The following SDK1 variants were observed in gnomAD, a reference collection of about 807,000 sequenced individuals.
SDK1 encodes protein sidekick-1.
In SDK1, 157 loss-of-function variants were observed where a neutral mutation model predicts 245.5. The ratio of observed to expected loss-of-function variants is 0.64; its 90% confidence interval spans 0.56 to 0.73. The LOEUF is 0.73. Among genes scored for constraint, SDK1 ranks in the 30% least tolerant of loss-of-function variants. The pLI, the probability that SDK1 is intolerant of heterozygous loss-of-function variation, is 0.00. For missense variants in SDK1, 3,583 were observed against 3,002.3 expected (o/e 1.19, Z -4.52); for synonymous variants, 1,647 against 1,278.5 (o/e 1.29, Z -6.15).
chr7:4,003,890 G>A (rs559106504), intron 14 of SDK1, among the ~76,000 whole-genome samples: 24 of 152,184 alleles, frequency 1.6e-4, no homozygotes, highest in Admixed American at 1.5e-3. Flanking sequence ...GGGCCCTCGC[G>A]GGCATTGCTC....
At chr7:3,783,223 A>G (rs373912549) in intron 4 of SDK1, among the ~76,000 whole-genome samples, 21 of 152,360 alleles carry the variant, frequency 1.4e-4, no homozygotes, top group African/African-American at 5.0e-4. Flanking sequence ...CTTCAACACA[A>G]CAAAGGCCGT....
chr7:3,926,433 G>A (rs1357191679), intron 5 of SDK1, among the ~76,000 whole-genome samples: 1 of 152,186 alleles, frequency 6.6e-6, no homozygotes, highest in African/African-American at 2.4e-5. Flanking sequence ...TTTTCTCTGG[G>A]ATTGGTTAGA....
chr7:3,613,245 C>T (rs530359757), intron 1 of SDK1, among the ~76,000 whole-genome samples: 1 of 152,162 alleles, frequency 6.6e-6, no homozygotes, highest in Non-Finnish European at 1.5e-5. Context: ...GTAGTAGGCT[C>T]CAGCTGCTGC....
chr7:3,605,150 A>C (rs944483013), intron 1 of SDK1, among the ~76,000 whole-genome samples: 3 of 151,616 alleles, frequency 2.0e-5, no homozygotes, highest in Admixed American at 6.6e-5. Context: ...CAAGAAACAC[A>C]CACACACACA....
intron 1 of SDK1, among the ~76,000 whole-genome samples, chr7:3,435,212 T>G (rs1200506043): frequency 5.3e-5 from 8 of 151,818 alleles, no homozygotes; most frequent in Non-Finnish European, 7.4e-5. Context: ...AGATAGTGAT[T>G]GGGAGAAAGC....
intron 1 of SDK1, among the ~76,000 whole-genome samples, chr7:3,578,455 C>T (rs1300866230): frequency 6.6e-6 from 1 of 152,036 alleles, no homozygotes. Flanking sequence ...AACATCTTAA[C>T]AGAAAACAGG....
chr7:3,585,318 A>T (rs1242198831), intron 1 of SDK1, among the ~76,000 whole-genome samples: 1 of 152,240 alleles, frequency 6.6e-6, no homozygotes, highest in African/African-American at 2.4e-5. Context: ...TAAGGAGAGG[A>T]AACAGGTAGT....
intron 35 of SDK1, among the ~76,000 whole-genome samples, chr7:4,179,635 T>C (rs1584383147): frequency 6.6e-6 from 1 of 151,244 alleles, no homozygotes; most frequent in Non-Finnish European, 1.5e-5. Flanking sequence ...TTCAAAGGGG[T>C]CACTCAGAGC....
chr7:3,480,433 C>A (rs969605015), intron 1 of SDK1, among the ~76,000 whole-genome samples: 9 of 151,286 alleles, frequency 5.9e-5, no homozygotes, highest in Non-Finnish European at 1.5e-5. Context: ...CATGTAGGAA[C>A]TACTGGAAGA....
At chr7:3,752,830 T>A (rs1403327013) in intron 4 of SDK1, among the ~76,000 whole-genome samples, 1 of 152,246 alleles carries the variant, frequency 6.6e-6, no homozygotes, top group Non-Finnish European at 1.5e-5. Flanking sequence ...GTTTTTTCTC[T>A]ATATAGTATA....
intron 5 of SDK1, among the ~76,000 whole-genome samples, chr7:3,858,715 A>T (rs1404506472): frequency 6.6e-6 from 1 of 151,754 alleles, no homozygotes; most frequent in African/African-American, 2.4e-5. Flanking sequence ...CGAAGGAAGA[A>T]TTTCCCTATC....
rs956655327 is a variant in SDK1, at chr7:4,121,259, G to A, written c.3824-6122G>A. On this transcript the variant is annotated intron_variant, in intron 25 of 44. Coordinates refer to ENST00000404826, the MANE Select transcript of SDK1 (RefSeq NM_152744.4). ...AAGTGGATTTACCTTTGTCCTAGCTGATTGTAGCATGTATGGTGATACGGT... is the reference window on the plus strand; with the variant it reads ...AAGTGGATTTACCTTTGTCCTAGCTAATTGTAGCATGTATGGTGATACGGT... Among the ~76,000 whole-genome samples, 3 of 152,108 alleles carry A rather than the reference G, an allele frequency of 2.0e-5. No homozygotes were observed. In the East Asian group the frequency reaches 5.8e-4, roughly 29 times the overall value.
intron 4 of SDK1, among the ~76,000 whole-genome samples, chr7:3,775,901 A>T (rs1780544073): frequency 6.6e-6 from 1 of 152,206 alleles, no homozygotes; most frequent in Non-Finnish European, 1.5e-5. Flanking sequence ...TGAAAAAATT[A>T]TTTGATAAAG....
chr7:3,580,152 CAAAT>C (rs1780433651), intron 1 of SDK1, among the ~76,000 whole-genome samples: 1 of 152,034 alleles, frequency 6.6e-6, no homozygotes, highest in African/African-American at 2.4e-5. Flanking sequence ...ATGACACAAA[CAAAT>C]AGAAAAATAT....
chr7:3,939,483 A>G (rs1337562777), intron 5 of SDK1, among the ~76,000 whole-genome samples: 6 of 152,144 alleles, frequency 3.9e-5, no homozygotes, highest in African/African-American at 1.4e-4. Context: ...TTTTCTTGTT[A>G]GAAAGGAAAT....
At chr7:3,668,260 C>T (rs10275918) in intron 4 of SDK1, among the ~76,000 whole-genome samples, 55,746 of 151,668 alleles carry the variant, frequency 0.37, 11,153 homozygotes, top group African/African-American at 0.53. Flanking sequence ...CACCTGGTGT[C>T]AGCTAGGGTG....
At chr7:4,170,940 T>C (rs923307824) in intron 32 of SDK1, among the ~76,000 whole-genome samples, 1 of 152,138 alleles carries the variant, frequency 6.6e-6, no homozygotes, top group Non-Finnish European at 1.5e-5. Flanking sequence ...AAAGAGCATT[T>C]AGTAAAATCA....
intron 22 of SDK1, among the ~76,000 whole-genome samples, chr7:4,088,387 T>G (rs554303690): frequency 1.3e-5 from 2 of 152,196 alleles, no homozygotes; most frequent in African/African-American, 4.8e-5. Context: ...CATATCGAAT[T>G]GGGACAATGA....
At position 3,631,313 on chromosome 7, in the gene SDK1, A is replaced by G. The variant is rs112583480; in HGVS notation, c.459-7691A>G. ...CCAAGAAGAAAGTCTATTATATTTA[A>G]TTGAGAACTCTTTTCTCAGTTGGTT... On this transcript the variant is annotated intron_variant, in intron 2 of 44. Transcript: ENST00000404826. 2.2e-4 allele frequency among the ~76,000 whole-genome samples: 34 copies of G among 152,276 alleles called. 1 individual carries two copies. Among genetic ancestry groups the G allele is most frequent in the Admixed American group, 5.2e-4 (8 of 15,300 alleles).
Sources: gnomAD v4.1 joint callset for allele counts (sites outside exome capture counted in the v4.1 genomes callset) on GRCh38, gnomAD v4.1.1 for gene constraint, MANE v1.5 for transcripts, NCBI Gene and HGNC (gene_info 2026-07-23, HGNC 2026-07-21) for gene names.